The following CACNA1B variants were observed in gnomAD, a reference collection of about 807,000 sequenced individuals.
CACNA1B encodes the protein calcium voltage-gated channel subunit alpha1 B, also known as voltage-dependent N-type calcium channel subunit alpha-1B.
In CACNA1B, 70 loss-of-function variants were observed where a neutral mutation model predicts 247.2. The observed-to-expected ratio is 0.28, with a 90% CI of 0.23 to 0.35. The LOEUF is 0.35. CACNA1B is among the 10% of genes least tolerant of loss of function. CACNA1B has a pLI of 1.00. For synonymous variants in CACNA1B, 1,231 were observed against 1,294.4 expected, an observed-to-expected ratio of 0.95 and a Z score of 1.05; for missense variants, 2,367 against 3,197.4, an observed-to-expected ratio of 0.74 and a Z score of 6.26.
intron 15 of CACNA1B, among the ~76,000 whole-genome samples, chr9:137,987,406 A>G (rs1294428551): frequency 1.3e-5 from 2 of 150,582 alleles, no homozygotes; most frequent in African/African-American, 4.9e-5. Flanking sequence ...TTGGTTGGGT[A>G]CTCTCCCCTT....
intron 18 of CACNA1B, among the ~76,000 whole-genome samples, chr9:138,019,784 G>A (rs916981702): frequency 6.6e-6 from 1 of 152,106 alleles, no homozygotes; most frequent in East Asian, 1.9e-4. Flanking sequence ...GCATCCATCC[G>A]CGGGGTGGAA....
chr9:138,076,270 C>T (rs562894883), intron 35 of CACNA1B, among the ~76,000 whole-genome samples: 44 of 152,284 alleles, frequency 2.9e-4, no homozygotes, highest in African/African-American at 1.0e-3. Context: ...CTAGCAGGGG[C>T]TCTCTTGAAG....
In CACNA1B at chr9:137,986,881, G is replaced by A. The variant is rs199661159; in HGVS notation, c.1974+27G>A. The A allele has an allele frequency of 9.5e-4, 1,483 of 1,555,880 alleles. 2 individuals are homozygous for A. Among genetic ancestry groups the A allele is most frequent in the Non-Finnish European group, 1.2e-3 (1,368 of 1,127,864 alleles). On this transcript the variant is annotated intron_variant, in intron 15 of 46. Coordinates refer to ENST00000371372, the MANE Select transcript of CACNA1B (RefSeq NM_000718.4). The surrounding 1 kb of genome is among the most constrained non-coding windows in gnomAD (Gnocchi z 6.0). ...TAAGGCACCTGCTCTGCACATTTGCGGCCTGCCCGGCTCCCGTCTCCCCTG... is the reference window on the plus strand; with the variant it reads ...TAAGGCACCTGCTCTGCACATTTGCAGCCTGCCCGGCTCCCGTCTCCCCTG...
rs1958735547 is a variant in CACNA1B at position 138,012,415 on chromosome 9, G to A, written c.2161-714G>A. On this transcript the variant is annotated intron_variant, in intron 17 of 46. Coordinates refer to ENST00000371372, the MANE Select transcript of CACNA1B (RefSeq NM_000718.4). This position sits in a 1 kb window ranked among gnomAD's most constrained non-coding sequence, Gnocchi z 4.2. Reference sequence around the variant, plus strand: ...GTGGGACAAAAGGAGGGACAGATTTGCATTTCAGTGGGCAAGTTTGAGGTG... The same window carrying A: ...GTGGGACAAAAGGAGGGACAGATTTACATTTCAGTGGGCAAGTTTGAGGTG... 6.6e-6 allele frequency among the ~76,000 whole-genome samples: 1 copy of A among 152,140 alleles called. No homozygotes were observed. The highest frequency in any genetic ancestry group is 1.5e-5 in the Non-Finnish European group (1 of 68,020).
At chr9:138,117,802 C>A in intron 42 of CACNA1B, 144 bp from the exon 43 acceptor site, 1 of 557,472 alleles carries the variant, frequency 1.8e-6, no homozygotes, top group Non-Finnish European at 3.0e-6. Context: ...AAGGAGGGCT[C>A]AATTCAGTCC....
At chr9:138,067,214 T>G (rs1428493916) in intron 31 of CACNA1B, among the ~76,000 whole-genome samples, 1 of 152,174 alleles carries the variant, frequency 6.6e-6, no homozygotes, top group Non-Finnish European at 1.5e-5. Context: ...ATTAAAGCAT[T>G]AAAGAAGTTG....
chr9:137,891,639 A>C lies in CACNA1B; in HGVS notation c.530+8756A>C. The stretch of plus-strand genomic sequence containing the variant: ...CTTCCTGCTCTCCTTCTCCTCCTTC[A>C]CACTGGAGCGGCAGAGTTGCAGATT... On this transcript the variant is annotated intron_variant, in intron 3 of 46. Transcript: ENST00000371372. The surrounding 1 kb of genome is among the most constrained non-coding windows in gnomAD (Gnocchi z 4.3). 1 of 210,750 alleles carries C rather than the reference A, an allele frequency of 4.7e-6. No individual in the cohort carries two copies. Among genetic ancestry groups the C allele is most frequent in the African/African-American group, 2.3e-5 (1 of 42,648 alleles). The allele number at this position is 210,750 out of a possible 1,614,324, so 13.1% of individuals were successfully genotyped here. A position where few individuals can be genotyped will look rare whatever the true frequency, so the allele number is the denominator to read the frequency against.
At chr9:137,995,591 T>C (rs1043253013) in intron 15 of CACNA1B, among the ~76,000 whole-genome samples, 3 of 152,124 alleles carry the variant, frequency 2.0e-5, no homozygotes, top group Non-Finnish European at 4.4e-5. Flanking sequence ...AAAGATAACA[T>C]CAGAAAAAAT....
In CACNA1B at chr9:138,121,491, G is replaced by A. The variant is rs1371324009; in HGVS notation, c.6512G>A (p.Ser2171Asn). Residue 2171 changes from serine to asparagine, a missense_variant, in exon 47 of 47, where the codon AGC becomes AAC. Around this residue, in one of 12 missense-constraint regions of CACNA1B, gnomAD observed 773 missense variants for 779.4 expected, o/e 0.99. Transcript: ENST00000371372. The surrounding 1 kb of genome is among the most constrained non-coding windows in gnomAD (Gnocchi z 6.8). ...HPQGSGSVNG[S>N]PLLSTSGAST... ...TAGGGCAGTGGTTCCGTGAATGGGAGCCCCTTGCTGTCAACATCTGGTGCT... is the reference window on the plus strand; with the variant it reads ...TAGGGCAGTGGTTCCGTGAATGGGAACCCCTTGCTGTCAACATCTGGTGCT... The A allele has an allele frequency of 2.0e-6, 3 of 1,529,210 alleles. No homozygotes were observed. Among genetic ancestry groups the A allele is most frequent in the African/African-American group, 1.4e-5 (1 of 71,956 alleles). 94.7% of individuals were successfully genotyped at this position (1,529,210 alleles called of 1,614,324 possible).
intron 3 of CACNA1B, among the ~76,000 whole-genome samples, chr9:137,910,578 G>C (rs1203754063): frequency 6.6e-6 from 1 of 152,202 alleles, no homozygotes; most frequent in Non-Finnish European, 1.5e-5. Flanking sequence ...CCCTGAGATT[G>C]TTGTCCTGCA....
chr9:138,069,665 A>G, intron 31 of CACNA1B, 93 bp from the exon 32 acceptor site: 1 of 927,706 alleles, frequency 1.1e-6, no homozygotes, highest in Non-Finnish European at 1.8e-6. Context: ...GCGAAAACCC[A>G]TGTCTCCGTC....
At chr9:137,984,367 T>C in intron 13 of CACNA1B, 117 bp downstream of exon 13, 1 of 730,546 alleles carries the variant, frequency 1.4e-6, no homozygotes, top group Non-Finnish European at 2.3e-6. Flanking sequence ...CTCTGTGGCT[T>C]ATAGTTGATT....
chr9:137,907,614 A>T (rs559637744), intron 3 of CACNA1B, among the ~76,000 whole-genome samples: 1 of 152,116 alleles, frequency 6.6e-6, no homozygotes, highest in African/African-American at 2.4e-5. Flanking sequence ...GATTTTTCTG[A>T]TTAGTTATTT....
Position 137,882,669 on chromosome 9 carries a change from T to C in CACNA1B, c.391-75T>C, listed in dbSNP as rs1588974207. The C allele has an allele frequency of 1.9e-6, 3 of 1,551,454 alleles. No individual in the cohort carries two copies. Among genetic ancestry groups the C allele is most frequent in the Non-Finnish European group, 2.7e-6 (3 of 1,128,982 alleles). On this transcript the variant is annotated intron_variant, in intron 2 of 46. Transcript: ENST00000371372. The surrounding 1 kb of genome is among the most constrained non-coding windows in gnomAD (Gnocchi z 4.0). ...GTGGCCTGCACATGGTGGGGTGGGG[T>C]CCTCACCAACCGTCTCTGCCCGCTA...
chr9:137,925,088 A>G (rs922302259), intron 6 of CACNA1B, among the ~76,000 whole-genome samples: 4 of 152,232 alleles, frequency 2.6e-5, no homozygotes, highest in African/African-American at 4.8e-5. Flanking sequence ...CTAGTTCCCC[A>G]GGGAAAACCT....
intron 36 of CACNA1B, among the ~76,000 whole-genome samples, chr9:138,082,830 G>A (rs1234477517): frequency 6.6e-6 from 1 of 151,084 alleles, no homozygotes; most frequent in Non-Finnish European, 1.5e-5. Context: ...ATAACTGAGG[G>A]AGAGTCTCGG....
chr9:137,958,787 T>C (rs1166728946), intron 10 of CACNA1B, among the ~76,000 whole-genome samples: 3 of 152,188 alleles, frequency 2.0e-5, no homozygotes, highest in Admixed American at 6.5e-5. Context: ...TCCAGTGCTA[T>C]GTGACGGCTC....
At chr9:137,991,260 G>C (rs1324979019) in intron 15 of CACNA1B, among the ~76,000 whole-genome samples, 2 of 152,182 alleles carry the variant, frequency 1.3e-5, no homozygotes, top group African/African-American at 4.8e-5. Context: ...GGAAATCAGG[G>C]ACACACTTAG....
intron 31 of CACNA1B, among the ~76,000 whole-genome samples, chr9:138,061,600 G>A (rs922077298): frequency 4.8e-4 from 73 of 152,276 alleles, no homozygotes; most frequent in African/African-American, 1.4e-3. Flanking sequence ...AGTGGACCCC[G>A]CGGTCACCTG....
Sources: allele counts gnomAD v4.1 joint callset (sites outside exome capture counted in the v4.1 genomes callset), GRCh38; gene constraint gnomAD v4.1.1; regional missense constraint gnomAD v4.1.1; non-coding constraint Gnocchi (gnomAD v3.1); transcripts MANE v1.5; gene names NCBI Gene and HGNC (gene_info 2026-07-23, HGNC 2026-07-21).